Variants in UHRF2 observed in about 807,000 individuals in gnomAD.
UHRF2 encodes ubiquitin like with PHD and ring finger domains 2.
In UHRF2, 23 loss-of-function variants were observed where a neutral mutation model predicts 96.8. The observed-to-expected ratio is 0.24, with a 90% CI of 0.17 to 0.34. The LOEUF is 0.34. UHRF2 is among the 10% of genes least tolerant of loss of function. UHRF2 has a pLI of 1.00. For synonymous variants in UHRF2, 385 were observed against 332.6 expected, an observed-to-expected ratio of 1.16 and a Z score of -1.72; for missense variants, 685 against 981.5, an observed-to-expected ratio of 0.70 and a Z score of 4.04.
In UHRF2 at chr9:6,481,625, C is replaced by G. The variant is rs544356911; in HGVS notation, c.1161-18C>G. ...ATGGTATTGTGAAAATGCCTTCGTTCTTTTTTTTCTTTTAAAGGTATTGTC... is the reference window on the plus strand; with the variant it reads ...ATGGTATTGTGAAAATGCCTTCGTTGTTTTTTTTCTTTTAAAGGTATTGTC... On this transcript the variant is annotated intron_variant, in intron 6 of 15. Transcript: ENST00000276893. 6.2e-7 allele frequency: 1 copy of G among 1,602,480 alleles called. No individual in the cohort carries two copies. The highest frequency in any genetic ancestry group is 1.4e-5 in the African/African-American group (1 of 73,994).
At chr9:6,458,347 A>C (rs1302886170) in intron 3 of UHRF2, among the ~76,000 whole-genome samples, 1 of 151,586 alleles carries the variant, frequency 6.6e-6, no homozygotes, top group Non-Finnish European at 1.5e-5. Context: ...TATCCCCTTT[A>C]TCATTTTTTA....
At chr9:6,431,186 A>G (rs561394435) in intron 2 of UHRF2, among the ~76,000 whole-genome samples, 1 of 152,142 alleles carries the variant, frequency 6.6e-6, no homozygotes, top group Non-Finnish European at 1.5e-5. Context: ...TTGACTTAGT[A>G]TGTCTATCCA....
chr9:6,454,045 A>G (rs997619201), intron 3 of UHRF2, among the ~76,000 whole-genome samples: 15 of 152,204 alleles, frequency 9.9e-5, no homozygotes, highest in Non-Finnish European at 1.8e-4. Context: ...CCCATTATGT[A>G]CTGTTCTAAG....
intron 3 of UHRF2, among the ~76,000 whole-genome samples, chr9:6,446,690 G>T (rs531571): frequency 8.6e-5 from 13 of 151,692 alleles, no homozygotes; most frequent in East Asian, 6.1e-4. Context: ...CGTCTCTATA[G>T]GAAAATTTGC....
intron 3 of UHRF2, among the ~76,000 whole-genome samples, chr9:6,454,359 A>G (rs898154653): frequency 6.6e-5 from 10 of 152,210 alleles, no homozygotes; most frequent in African/African-American, 2.2e-4. Flanking sequence ...TTGAATTAGG[A>G]AAGATGATGA....
At chr9:6,421,246 A>T in intron 2 of UHRF2, 104 bp downstream of exon 2, 2 of 870,988 alleles carry the variant, frequency 2.3e-6, no homozygotes, top group South Asian at 3.6e-5. Context: ...TTGAAAGTAA[A>T]GATTGGGATG....
At chr9:6,478,084 G>C (rs1427953969) in intron 6 of UHRF2, among the ~76,000 whole-genome samples, 4 of 152,166 alleles carry the variant, frequency 2.6e-5, no homozygotes, top group African/African-American at 7.2e-5. Flanking sequence ...TGTTGCTTCA[G>C]ATGGTTTATG....
chr9:6,464,079 T>G (rs1376183031), intron 4 of UHRF2, among the ~76,000 whole-genome samples: 1 of 152,180 alleles, frequency 6.6e-6, no homozygotes, highest in South Asian at 2.1e-4. Context: ...AGAGTTCCTG[T>G]TGTTAGTTTT....
At chr9:6,500,339 G>C (rs1273663920) in intron 13 of UHRF2, among the ~76,000 whole-genome samples, 2 of 152,080 alleles carry the variant, frequency 1.3e-5, no homozygotes, top group Non-Finnish European at 2.9e-5. Flanking sequence ...GGATTTGGCT[G>C]GGGGGGCATG....
intron 4 of UHRF2, among the ~76,000 whole-genome samples, chr9:6,463,479 T>C (rs1822676368): frequency 6.6e-6 from 1 of 152,070 alleles, no homozygotes; most frequent in Non-Finnish European, 1.5e-5. Context: ...GAATTTTTTT[T>C]TTTTTTTGGG....
At chr9:6,488,548 T>C (rs1246251109) in intron 9 of UHRF2, among the ~76,000 whole-genome samples, 3 of 137,970 alleles carry the variant, frequency 2.2e-5, no homozygotes. Context: ...TTCTTTTTTT[T>C]TTTTTTTTTT....
At chr9:6,443,227 C>T (rs1381043093) in intron 3 of UHRF2, among the ~76,000 whole-genome samples, 5 of 152,056 alleles carry the variant, frequency 3.3e-5, no homozygotes, top group South Asian at 4.1e-4. Flanking sequence ...ATAGTGAAGC[C>T]CAAATTAAAG....
At chr9:6,495,829 A>G (rs1824932646) in intron 10 of UHRF2, 1 of 152,210 alleles carries the variant, frequency 6.6e-6, no homozygotes, top group South Asian at 2.1e-4. Context: ...GGTATCTGTG[A>G]GCATTAAAGC....
Position 6,498,164 on chromosome 9 carries a change from A to T in UHRF2, c.1908+6A>T. 1 of 1,612,698 alleles carries T rather than the reference A, an allele frequency of 6.2e-7. No homozygotes were observed. Among genetic ancestry groups the T allele is most frequent in the Non-Finnish European group, 8.5e-7 (1 of 1,179,584 alleles). On this transcript the variant is annotated splice_donor_region_variant and intron_variant, in intron 12 of 15. Transcript: ENST00000276893. ...GATTATGTCTACGTTTACAGGTTAG[A>T]TTACATTTGTCTAGGCTGCCTGTGT...
intron 15 of UHRF2, 90 bp downstream of exon 15, chr9:6,504,781 C>A: frequency 9.9e-7 from 1 of 1,010,424 alleles, no homozygotes; most frequent in Admixed American, 2.6e-5. Context: ...AAGCATTTTC[C>A]GTGAAGCGGG....
At chr9:6,486,245 T>C (rs1462703349) in intron 8 of UHRF2, among the ~76,000 whole-genome samples, 1 of 152,140 alleles carries the variant, frequency 6.6e-6, no homozygotes. Flanking sequence ...AAAAAAAGGA[T>C]CTGTTGTGAG....
At chr9:6,464,092 C>T (rs571935695) in intron 4 of UHRF2, among the ~76,000 whole-genome samples, 1 of 152,328 alleles carries the variant, frequency 6.6e-6, no homozygotes, top group African/African-American at 2.4e-5. Context: ...TTAGTTTTCT[C>T]ATCCATGCTT....
At chr9:6,467,053 G>A (rs922854412) in intron 4 of UHRF2, among the ~76,000 whole-genome samples, 1 of 152,118 alleles carries the variant, frequency 6.6e-6, no homozygotes, top group African/African-American at 2.4e-5. Flanking sequence ...CACAAACATA[G>A]TAGCTTAAAC....
intron 2 of UHRF2, among the ~76,000 whole-genome samples, chr9:6,431,043 ACCAT>A (rs1267683669): frequency 6.6e-6 from 1 of 152,214 alleles, no homozygotes; most frequent in African/African-American, 2.4e-5. Flanking sequence ...TTACTTAGTT[ACCAT>A]GGCAGGATCT....
Sources: gnomAD v4.1 joint callset for allele counts (sites outside exome capture counted in the v4.1 genomes callset) on GRCh38, gnomAD v4.1.1 for gene constraint, MANE v1.5 for transcripts, NCBI Gene and HGNC (gene_info 2026-07-23, HGNC 2026-07-21) for gene names.